Variants in PNLIP observed in about 807,000 individuals in gnomAD.
PNLIP encodes the protein pancreatic lipase, also known as pancreatic triacylglycerol lipase.
A neutral mutation model predicts 57.1 loss-of-function variants in PNLIP; 49 were observed. The ratio of observed to expected loss-of-function variants is 0.86; its 90% CI spans 0.68 to 1.09. The LOEUF (loss-of-function observed/expected upper bound fraction) is 1.09. Ranked by LOEUF, PNLIP falls within the 50% of genes least tolerant of loss-of-function variation. PNLIP has a pLI of 0.00. For synonymous variants in PNLIP, 209 were observed against 200.4 expected (o/e 1.04, Z -0.36); for missense variants, 503 against 570.2 (o/e 0.88, Z 1.20).
chr10:116,547,324 G>T lies in PNLIP; in HGVS notation c.77G>T (p.Cys26Phe), dbSNP rs1402481626. The change falls in exon 3 of 13, where the codon TGC becomes TTC. Residue 26 changes from cysteine to phenylalanine, a missense_variant. Physicochemically the swap from Cys to Phe is radical, Grantham distance 205 (BLOSUM62 -2). Transcript: ENST00000369221. ...GAAGTTTGCTACGAAAGACTCGGCT[G>T]CTTCAGTGATGACTCCCCATGGTCA... is the stretch of plus-strand genomic sequence containing the variant. ...GKEVCYERLG[C>F]FSDDSPWSGI... 1 of 1,613,980 alleles carries T rather than the reference G, an allele frequency of 6.2e-7. No homozygotes were observed. Among genetic ancestry groups the T allele is most frequent in the Non-Finnish European group, 8.5e-7 (1 of 1,180,010 alleles).
chr10:116,567,125 TTCTTTCTTTCTTTCTTTTCTTC>T (rs1306949665), intron 12 of PNLIP, among the ~76,000 whole-genome samples: 107 of 3,590 alleles, frequency 0.03, no homozygotes, highest in African/African-American at 0.059. Flanking sequence ...TTCTTTCTCT[TTCTTTCTTTCTTTCTTTTCTTC>T]TCTTTCTTTC....
Position 116,551,208 on chromosome 10 carries a change from G to A in PNLIP, c.435G>A (p.Val145=), listed in dbSNP as rs774715832. Residue 145 remains valine, a synonymous_variant, in exon 5 of 13, where the codon GTG becomes GTA. Transcript: ENST00000369221. ...ACATCAGGATCGTGGGAGCAGAAGT[G>A]GCATATTTTGTTGAATTTCTTCAGG... ...SQNIRIVGAE[V]AYFVEFLQSA... 4 of 1,609,958 alleles carry A rather than the reference G, an allele frequency of 2.5e-6. No homozygotes were observed. The South Asian group carries it at 4.4e-5, about 18-fold the overall frequency.
chr10:116,554,562 T>C (rs1398423720), intron 6 of PNLIP, among the ~76,000 whole-genome samples: 2 of 152,198 alleles, frequency 1.3e-5, no homozygotes, highest in Non-Finnish European at 2.9e-5. Flanking sequence ...GATGCTACCA[T>C]CCTGGATCTG....
At chr10:116,554,862 G>A (rs1847235898) in intron 6 of PNLIP, among the ~76,000 whole-genome samples, 1 of 152,128 alleles carries the variant, frequency 6.6e-6, no homozygotes, top group South Asian at 2.1e-4. Flanking sequence ...TGCCCTTGTG[G>A]GAGTTCACAG....
chr10:116,552,411 G>A (rs984334176), intron 5 of PNLIP, among the ~76,000 whole-genome samples: 10 of 152,064 alleles, frequency 6.6e-5, no homozygotes. Flanking sequence ...TCCTGACCCT[G>A]TGTAGGCCTA....
At chr10:116,558,772 C>A (rs1847283345) in intron 9 of PNLIP, among the ~76,000 whole-genome samples, 1 of 151,850 alleles carries the variant, frequency 6.6e-6, no homozygotes, top group Non-Finnish European at 1.5e-5. Context: ...TTACAGGCGC[C>A]TGCCACCATG....
At chr10:116,563,821 AGGT>A (rs1421008984) in intron 12 of PNLIP, among the ~76,000 whole-genome samples, 2 of 152,210 alleles carry the variant, frequency 1.3e-5, no homozygotes, top group Non-Finnish European at 2.9e-5. Context: ...ATAGAAGACA[AGGT>A]TAATGACCTT....
intron 12 of PNLIP, among the ~76,000 whole-genome samples, chr10:116,562,070 G>A (rs980251559): frequency 7.9e-5 from 12 of 152,182 alleles, no homozygotes; most frequent in African/African-American, 2.9e-4. Flanking sequence ...TGAAGACGAA[G>A]GTCCAGGAGA....
At position 116,561,730 on chromosome 10, in the gene PNLIP, AG is replaced by A. The variant is rs202028283; in HGVS notation, c.1334+98del. On this transcript the variant is annotated intron_variant, in intron 12 of 12. Transcript: ENST00000369221. The stretch of plus-strand genomic sequence containing the variant: ...GTCTAATTTAAGTGAAACCTCCTAC[AG>A]GGGATCGCCTACATCCTAGTTGCAG... 1.4e-3 allele frequency: 1,506 copies of A among 1,115,460 alleles called. 16 individuals are homozygous for A. In the African/African-American group the frequency reaches 0.02, roughly 15 times the overall value. The allele number at this position is 1,115,460 out of a possible 1,614,324, so 69.1% of individuals were successfully genotyped here. A position where few individuals can be genotyped will look rare whatever the true frequency, so the allele number is the denominator to read the frequency against.
intron 9 of PNLIP, 126 bp from the exon 10 acceptor site, chr10:116,559,028 A>T: frequency 8.8e-7 from 1 of 1,142,608 alleles, no homozygotes; most frequent in Non-Finnish European, 1.2e-6. Flanking sequence ...AGACACTATT[A>T]AAGTCCCCAT....
chr10:116,562,043 A>G (rs1165398605), intron 12 of PNLIP, among the ~76,000 whole-genome samples: 3 of 152,188 alleles, frequency 2.0e-5, no homozygotes, highest in Non-Finnish European at 4.4e-5. Context: ...GCTTTTCCAA[A>G]TCACTGGTCT....
In PNLIP at chr10:116,553,721, C is replaced by A. The variant is rs764689695; in HGVS notation, c.460-6C>A. On this transcript the variant is annotated splice_polypyrimidine_tract_variant and splice_region_variant and intron_variant, in intron 5 of 12. Coordinates refer to ENST00000369221, the MANE Select transcript of PNLIP (RefSeq NM_000936.4). ...AAACATTCTGAAAAGGTTTTCTTTC[C>A]GACAGTCGGCGTTCGGTTACTCACC... The A allele has an allele frequency of 6.3e-7, 1 of 1,588,350 alleles. No homozygotes were observed. The highest frequency in any genetic ancestry group is 8.6e-7 in the Non-Finnish European group (1 of 1,157,078).
At chr10:116,553,942 C>CA in intron 6 of PNLIP, 104 bp downstream of exon 6, 1 of 490,380 alleles carries the variant, frequency 2.0e-6, no homozygotes, top group East Asian at 3.6e-5. Flanking sequence ...CTCCTATCTC[C>CA]TTAAAAAAAA....
chr10:116,567,745 TG>T lies in PNLIP; in HGVS notation c.1346del (p.Cys449LeufsTer26). 1 of 1,613,950 alleles carries T rather than the reference TG, an allele frequency of 6.2e-7. No individual in the cohort carries two copies. The highest frequency in any genetic ancestry group is 8.5e-7 in the Non-Finnish European group (1 of 1,179,772). ...GTTTTTTCTCCACAGGTTCAACTTCTGTAGTCCAGAAACCGTCAGGGAGGAA... is the reference window on the plus strand; with the variant it reads ...GTTTTTTCTCCACAGGTTCAACTTCTTAGTCCAGAAACCGTCAGGGAGGAA... ...ETNVGKQFNF[C>X]SPETVREEVL... On this transcript the variant is annotated frameshift_variant, in exon 13 of 13. Coordinates refer to ENST00000369221, the MANE Select transcript of PNLIP (RefSeq NM_000936.4). LOFTEE classifies it high-confidence loss of function.
chr10:116,557,848 C>T (rs965555258), intron 9 of PNLIP, among the ~76,000 whole-genome samples: 3 of 152,140 alleles, frequency 2.0e-5, no homozygotes, highest in African/African-American at 4.8e-5. Flanking sequence ...TATGTCTTCT[C>T]CAGGTATCAG....
intron 5 of PNLIP, among the ~76,000 whole-genome samples, chr10:116,551,625 AGAAAATGTTATACTTGAATGTGTT>A (rs929739567): frequency 1.3e-5 from 2 of 152,230 alleles, no homozygotes; most frequent in African/African-American, 4.8e-5. Context: ...CAAAAACCAC[AGAAAATGTTATACTTGAATGTGTT>A]TAAATAATTG....
chr10:116,550,289 A>G (rs1386196926), intron 4 of PNLIP, among the ~76,000 whole-genome samples: 2 of 150,920 alleles, frequency 1.3e-5, no homozygotes, highest in Middle Eastern at 3.4e-3. Context: ...CGATCTCATG[A>G]CCTTGTGATC....
At chr10:116,567,465 T>C (rs1162119985) in intron 12 of PNLIP, among the ~76,000 whole-genome samples, 2 of 152,222 alleles carry the variant, frequency 1.3e-5, no homozygotes, top group African/African-American at 4.8e-5. Flanking sequence ...AAGTGTTCAG[T>C]GACTGCTCAT....
intron 12 of PNLIP, among the ~76,000 whole-genome samples, 164 bp downstream of exon 12, chr10:116,561,800 CT>C (rs919794924): frequency 6.6e-6 from 1 of 152,180 alleles, no homozygotes; most frequent in Non-Finnish European, 1.5e-5. Flanking sequence ...AAGGGTAGAA[CT>C]TTAGGAAACA....
Sources: allele counts gnomAD v4.1 joint callset (sites outside exome capture counted in the v4.1 genomes callset), GRCh38; gene constraint gnomAD v4.1.1; transcripts MANE v1.5; gene names NCBI Gene and HGNC (gene_info 2026-07-23, HGNC 2026-07-21).